RFX3: variants seen among roughly 807,000 people sequenced by gnomAD.
The protein encoded by RFX3 is regulatory factor X3.
A neutral mutation model predicts 98.6 loss-of-function variants in RFX3; 14 were observed. The observed-to-expected ratio is 0.14, with a 90% CI of 0.09 to 0.22. The LOEUF (loss-of-function observed/expected upper bound fraction) is 0.22, where lower values mean the gene tolerates loss of function less well. RFX3 is among the 10% of genes least tolerant of loss of function. The pLI is 1.00. For synonymous variants in RFX3, 383 were observed against 328.4 expected, an observed-to-expected ratio of 1.17 and a Z score of -1.80; for missense variants, 639 against 926.9, an observed-to-expected ratio of 0.69 and a Z score of 4.03.
rs1817261589 is a variant in RFX3, at chr9:3,220,087, G to T, written c.*4955C>A. Reference sequence around the variant, plus strand: ...TCCTGACAGATGAGCTTAAAATCAAGTGCTTTGCTCTCCATTCTATCTATA... The same window carrying T: ...TCCTGACAGATGAGCTTAAAATCAATTGCTTTGCTCTCCATTCTATCTATA... On this transcript the variant is annotated 3_prime_UTR_variant, in exon 17 of 17. Transcript: ENST00000617270. 6.6e-6 allele frequency: 1 copy of T among 152,162 alleles called. No homozygotes were observed. The highest frequency in any genetic ancestry group is 2.1e-4 in the South Asian group (1 of 4,832). The allele number at this position is 152,162 out of a possible 1,614,324, so 9.4% of individuals were successfully genotyped here.
At chr9:3,365,106 C>G (rs1836900564) in intron 2 of RFX3, among the ~76,000 whole-genome samples, 1 of 152,010 alleles carries the variant, frequency 6.6e-6, no homozygotes, top group Non-Finnish European at 1.5e-5. Flanking sequence ...TCGAGACCAT[C>G]CTGGCCAACA....
chr9:3,429,607 G>T (rs961044921), intron 1 of RFX3, among the ~76,000 whole-genome samples: 1 of 152,028 alleles, frequency 6.6e-6, no homozygotes, highest in Non-Finnish European at 1.5e-5. Flanking sequence ...TCCTGGAGGT[G>T]CTAATCTCAT....
intron 4 of RFX3, among the ~76,000 whole-genome samples, chr9:3,310,077 A>T (rs1470610963): frequency 1.3e-5 from 2 of 152,234 alleles, no homozygotes; most frequent in Non-Finnish European, 2.9e-5. Context: ...AACCTATGCC[A>T]CTTGCAGATG....
At chr9:3,256,325 C>A (rs763840044) in intron 14 of RFX3, among the ~76,000 whole-genome samples, 1 of 129,492 alleles carries the variant, frequency 7.7e-6, no homozygotes, top group Non-Finnish European at 1.6e-5. Context: ...TTGGGAGGCA[C>A]CTAGGATTTG....
intron 4 of RFX3, among the ~76,000 whole-genome samples, chr9:3,319,753 C>A (rs1425159059): frequency 1.3e-5 from 2 of 151,830 alleles, no homozygotes; most frequent in Non-Finnish European, 2.9e-5. Flanking sequence ...AGTGCAGGAA[C>A]TAGCTCCATT....
chr9:3,494,843 G>A (rs1026399944), intron 1 of RFX3, among the ~76,000 whole-genome samples: 4 of 152,028 alleles, frequency 2.6e-5, no homozygotes, highest in African/African-American at 9.6e-5. Context: ...AGAAAATGCA[G>A]CCTCACACAG....
chr9:3,241,217 GT>G (rs1373472512), intron 15 of RFX3, among the ~76,000 whole-genome samples: 3 of 69,936 alleles, frequency 4.3e-5, no homozygotes, highest in East Asian at 1.0e-3. Flanking sequence ...TGGTCTAGGA[GT>G]TTTTTGTTTT....
intron 1 of RFX3, among the ~76,000 whole-genome samples, chr9:3,501,620 A>G (rs1000571265): frequency 4.1e-5 from 6 of 145,802 alleles, no homozygotes; most frequent in African/African-American, 1.5e-4. Context: ...GCAGTGGTGC[A>G]ATGTCAGCTC....
intron 2 of RFX3, among the ~76,000 whole-genome samples, chr9:3,370,757 A>G (rs976257117): frequency 6.6e-6 from 1 of 152,184 alleles, no homozygotes; most frequent in African/African-American, 2.4e-5. Flanking sequence ...TCTCCACTAT[A>G]TAAAATACAT....
intron 2 of RFX3, among the ~76,000 whole-genome samples, chr9:3,395,057 G>C (rs1840715389): frequency 6.6e-6 from 1 of 152,162 alleles, no homozygotes; most frequent in Admixed American, 6.5e-5. Context: ...TCCCTGCCTG[G>C]AAGGTGCATG....
intron 3 of RFX3, among the ~76,000 whole-genome samples, chr9:3,335,654 T>A (rs915495385): frequency 6.6e-6 from 1 of 152,234 alleles, no homozygotes; most frequent in Admixed American, 6.5e-5. Flanking sequence ...GACTAAGTCA[T>A]GAAAATAATG....
chr9:3,497,549 G>T (rs778799587), intron 1 of RFX3, among the ~76,000 whole-genome samples: 2 of 151,776 alleles, frequency 1.3e-5, no homozygotes, highest in Non-Finnish European at 2.9e-5. Context: ...CTGATCTCTC[G>T]AACTAGGATG....
intron 16 of RFX3, among the ~76,000 whole-genome samples, chr9:3,227,820 T>G (rs2130624030): frequency 6.6e-6 from 1 of 152,362 alleles, no homozygotes; most frequent in East Asian, 1.9e-4. Context: ...AGCAACAATT[T>G]TTTTGGCTAT....
chr9:3,346,651 C>T lies in RFX3; in HGVS notation c.215+16G>A, dbSNP rs773616021. The T allele has an allele frequency of 7.3e-6, 11 of 1,516,706 alleles. No individual in the cohort carries two copies. The highest frequency in any genetic ancestry group is 9.2e-6 in the Non-Finnish European group (10 of 1,091,168). The allele number at this position is 1,516,706 out of a possible 1,614,324, so 94.0% of individuals were successfully genotyped here. ...CTGAGTGGGGGAATTAAAAAGACTTCCACATATAAACTTACATTGCTCCAT... is the reference window on the plus strand; with the variant it reads ...CTGAGTGGGGGAATTAAAAAGACTTTCACATATAAACTTACATTGCTCCAT... On this transcript the variant is annotated intron_variant, in intron 3 of 16. Transcript: ENST00000617270.
intron 1 of RFX3, among the ~76,000 whole-genome samples, chr9:3,415,216 C>CAT (rs142357988): frequency 0.027 from 3,701 of 137,434 alleles, 72 homozygotes; most frequent in Non-Finnish European, 0.041. Flanking sequence ...TATACATACT[C>CAT]ATATATATAT....
chr9:3,311,524 A>G (rs74681434), intron 4 of RFX3, among the ~76,000 whole-genome samples: 2,929 of 152,306 alleles, frequency 0.019, 47 homozygotes, highest in African/African-American at 0.03. Flanking sequence ...TATAATCACT[A>G]AAATTGCGGT....
At chr9:3,400,782 A>G (rs1299582316) in intron 1 of RFX3, among the ~76,000 whole-genome samples, 1 of 152,144 alleles carries the variant, frequency 6.6e-6, no homozygotes, top group Non-Finnish European at 1.5e-5. Context: ...CTTTAAATAC[A>G]TTTTCTAGTT....
chr9:3,425,151 T>C (rs571192527), intron 1 of RFX3, among the ~76,000 whole-genome samples: 19 of 152,178 alleles, frequency 1.2e-4, no homozygotes, highest in Non-Finnish European at 2.6e-4. Flanking sequence ...AGTGGGAAGA[T>C]GCGTTAAGTC....
At chr9:3,424,404 C>T (rs62526383) in intron 1 of RFX3, among the ~76,000 whole-genome samples, 3,206 of 134,870 alleles carry the variant, frequency 0.024, 62 homozygotes, top group Non-Finnish European at 0.036. Flanking sequence ...CTCTGTCGCC[C>T]AGGCTGGAGT....
Sources: allele counts gnomAD v4.1 joint callset (sites outside exome capture counted in the v4.1 genomes callset), GRCh38; gene constraint gnomAD v4.1.1; transcripts MANE v1.5; gene names NCBI Gene and HGNC (gene_info 2026-07-23, HGNC 2026-07-21).